Variants in ATP8B4 observed in about 807,000 individuals in gnomAD.
The protein encoded by ATP8B4 is ATPase phospholipid transporting 8B4 (putative).
ATP8B4 carries 133 observed loss-of-function variants against 145.6 expected under a neutral mutation model. The observed-to-expected ratio is 0.91, with a 90% CI of 0.79 to 1.05. The LOEUF is 1.05. Ranked by LOEUF, ATP8B4 falls within the 50% of genes least tolerant of loss-of-function variation. ATP8B4 has a pLI of 0.00. For missense variants in ATP8B4, 1,458 were observed against 1,425.2 expected (o/e 1.02, Z -0.37); for synonymous variants, 507 against 492.9 (o/e 1.03, Z -0.38).
intron 6 of ATP8B4, among the ~76,000 whole-genome samples, chr15:50,027,087 A>G (rs953279392): frequency 9.2e-5 from 14 of 152,048 alleles, no homozygotes; most frequent in African/African-American, 2.9e-4. Flanking sequence ...TGGGGGGCCA[A>G]TTCTATCAAG....
intron 24 of ATP8B4, 125 bp downstream of exon 24, chr15:49,879,251 A>C: frequency 2.4e-6 from 2 of 827,584 alleles, no homozygotes. Flanking sequence ...TGATCCATGC[A>C]AAAGCAACTA....
At chr15:49,936,546 G>A (rs184399920) in intron 14 of ATP8B4, among the ~76,000 whole-genome samples, 89 of 152,122 alleles carry the variant, frequency 5.9e-4, no homozygotes, top group Non-Finnish European at 1.1e-3. Context: ...TTTGGTAAGT[G>A]CCCCACTTCT....
At chr15:50,089,607 A>C (rs1224814967) in intron 2 of ATP8B4, among the ~76,000 whole-genome samples, 1 of 152,194 alleles carries the variant, frequency 6.6e-6, no homozygotes, top group Non-Finnish European at 1.5e-5. Context: ...CAATTATTAA[A>C]AAGTCAAGAA....
At chr15:50,159,763 C>T (rs1198384492) in intron 1 of ATP8B4, among the ~76,000 whole-genome samples, 2 of 152,034 alleles carry the variant, frequency 1.3e-5, no homozygotes, top group East Asian at 3.8e-4. Context: ...TCTATTGATA[C>T]GATGTACCAC....
At chr15:49,938,458 T>C (rs763298494) in intron 14 of ATP8B4, among the ~76,000 whole-genome samples, 18 of 152,148 alleles carry the variant, frequency 1.2e-4, no homozygotes, top group African/African-American at 1.7e-4. Flanking sequence ...AGGATCACTA[T>C]TCTTCTAACA....
chr15:49,936,662 C>T (rs1415071951), intron 14 of ATP8B4, among the ~76,000 whole-genome samples: 2 of 152,070 alleles, frequency 1.3e-5, no homozygotes, highest in African/African-American at 4.8e-5. Flanking sequence ...GAGACTCTTT[C>T]AATTGGAAGA....
At chr15:49,947,175 G>A (rs1023188074) in intron 14 of ATP8B4, among the ~76,000 whole-genome samples, 7 of 152,152 alleles carry the variant, frequency 4.6e-5, no homozygotes, top group African/African-American at 1.7e-4. Flanking sequence ...GCTCATGCTT[G>A]TAATCCCAGC....
chr15:49,967,213 C>T (rs546130349), intron 13 of ATP8B4, among the ~76,000 whole-genome samples: 5 of 152,170 alleles, frequency 3.3e-5, no homozygotes, highest in Non-Finnish European at 5.9e-5. Flanking sequence ...CGCCTCTTCT[C>T]CTGCAAAGGA....
chr15:50,085,719 T>A (rs1222538790), intron 2 of ATP8B4, among the ~76,000 whole-genome samples: 1 of 150,398 alleles, frequency 6.6e-6, no homozygotes, highest in Non-Finnish European at 1.5e-5. Context: ...AAACAATATA[T>A]CTCCCATCAG....
intron 19 of ATP8B4, 76 bp from the exon 20 acceptor site, chr15:49,917,115 G>A (rs1375600793): frequency 1.4e-6 from 2 of 1,400,912 alleles, no homozygotes; most frequent in African/African-American, 2.8e-5. Context: ...AAGTTTTGAG[G>A]GCTTAGCTGT....
At chr15:50,174,471 C>A (rs1347824332) in intron 1 of ATP8B4, among the ~76,000 whole-genome samples, 3 of 149,846 alleles carry the variant, frequency 2.0e-5, no homozygotes, top group African/African-American at 7.4e-5. Flanking sequence ...TTAACGTACA[C>A]AAATCAGTAG....
At chr15:50,003,899 G>T (rs994769450) in intron 7 of ATP8B4, among the ~76,000 whole-genome samples, 3 of 152,114 alleles carry the variant, frequency 2.0e-5, no homozygotes, top group Admixed American at 2.0e-4. Flanking sequence ...ACATGTGACT[G>T]AGGCGCCACT....
chr15:50,118,530 T>C (rs1038285796), intron 1 of ATP8B4, among the ~76,000 whole-genome samples: 1 of 152,212 alleles, frequency 6.6e-6, no homozygotes, highest in Admixed American at 6.5e-5. Context: ...TTCCAATTAA[T>C]GTTTTTCACC....
chr15:49,938,618 T>C (rs950972751), intron 14 of ATP8B4, among the ~76,000 whole-genome samples: 1 of 152,118 alleles, frequency 6.6e-6, no homozygotes, highest in Non-Finnish European at 1.5e-5. Flanking sequence ...CAAGTACTTC[T>C]AGACCTACAA....
At chr15:50,083,735 G>A (rs757939897) in intron 2 of ATP8B4, among the ~76,000 whole-genome samples, 1 of 152,132 alleles carries the variant, frequency 6.6e-6, no homozygotes, top group African/African-American at 2.4e-5. Flanking sequence ...TCTTTAATAC[G>A]TATTGGTTTC....
intron 1 of ATP8B4, among the ~76,000 whole-genome samples, chr15:50,139,434 C>T (rs567394821): frequency 1.1e-3 from 170 of 150,968 alleles, no homozygotes; most frequent in African/African-American, 4.0e-3. Context: ...CAGGGCCTGT[C>T]GGGGGGTTGG....
At position 50,047,411 on chromosome 15, in the gene ATP8B4, A is replaced by G; in HGVS notation, c.141T>C (p.Asn47=). The change falls in exon 4 of 28, where the codon AAT becomes AAC. Residue 47 remains asparagine, a synonymous_variant. Transcript: ENST00000284509. The part of the protein sequence containing the change: ...KYNILTFLPI[N]LFEQFQRVAN... Reference sequence around the variant, plus strand: ...CCACTCTTTGGAACTGTTCAAATAAATTAATTGGCAAGAAGGTGAGAATAT... The same window carrying G: ...CCACTCTTTGGAACTGTTCAAATAAGTTAATTGGCAAGAAGGTGAGAATAT... The G allele has an allele frequency of 6.2e-7, 1 of 1,600,960 alleles. No individual in the cohort carries two copies. The highest frequency in any genetic ancestry group is 8.6e-7 in the Non-Finnish European group (1 of 1,168,140).
chr15:50,147,049 A>C (rs2044286133), intron 1 of ATP8B4, among the ~76,000 whole-genome samples: 1 of 152,132 alleles, frequency 6.6e-6, no homozygotes, highest in African/African-American at 2.4e-5. Context: ...GATATGGAGT[A>C]AAGGAAGAAG....
rs1442609203 is a variant in ATP8B4 at position 49,962,025 on chromosome 15, CA to C, written c.1244-6del. On this transcript the variant is annotated splice_region_variant and splice_polypyrimidine_tract_variant and intron_variant, in intron 13 of 27. Transcript: ENST00000284509. ...CCAGGTCATCATGTACTTCACCTGA[CA>C]AAACAAAAATTGAGAATTAAAAGTA... 5.7e-6 allele frequency: 9 copies of C among 1,583,032 alleles called. No homozygotes were observed. In the African/African-American group the frequency reaches 1.2e-4, roughly 22 times the overall value.
Sources: gnomAD v4.1 joint callset for allele counts (sites outside exome capture counted in the v4.1 genomes callset) on GRCh38, gnomAD v4.1.1 for gene constraint, MANE v1.5 for transcripts, NCBI Gene and HGNC (gene_info 2026-07-23, HGNC 2026-07-21) for gene names.